IL18BP: variants seen among roughly 807,000 people sequenced by gnomAD.
IL18BP encodes the protein interleukin-18-binding protein.
In IL18BP, 23 loss-of-function variants were observed where a neutral mutation model predicts 19.9. The observed-to-expected ratio is 1.15, with a 90% CI of 0.83 to 1.64. The LOEUF (loss-of-function observed/expected upper bound fraction) is 1.64. IL18BP is among the 40% of genes most tolerant of loss of function. IL18BP has a pLI of 0.00. For synonymous variants in IL18BP, 107 were observed against 101.0 expected, an observed-to-expected ratio of 1.06 and a Z score of -0.35; for missense variants, 239 against 240.7, an observed-to-expected ratio of 0.99 and a Z score of 0.05.
chr11:72,000,634 C>T (rs1032266045), intron 3 of IL18BP, 77 bp downstream of exon 3: 2 of 1,227,810 alleles, frequency 1.6e-6, no homozygotes, highest in African/African-American at 3.0e-5. Flanking sequence ...AGCGCCAGTC[C>T]CCTTCTGCCC....
downstream of IL18BP, chr11:72,003,764 C>T: frequency 8.9e-7 from 1 of 1,128,852 alleles, no homozygotes; most frequent in Admixed American, 2.1e-5. Context: ...ACAGGGACAC[C>T]TCTTACCCCA....
chr11:72,004,602 A>G (rs1176999468), downstream of IL18BP: 2 of 1,595,052 alleles, frequency 1.3e-6, no homozygotes, highest in Non-Finnish European at 1.7e-6. Context: ...TGACCTGAGC[A>G]CAGTGCTGGA....
downstream of IL18BP, chr11:72,003,168 T>C (rs1406521784): frequency 3.0e-6 from 1 of 330,268 alleles, no homozygotes; most frequent in Non-Finnish European, 5.7e-6. Context: ...CTACTCCTCT[T>C]ATGGTCCCTT....
downstream of IL18BP, chr11:72,007,113 T>G: frequency 6.5e-7 from 1 of 1,548,276 alleles, no homozygotes; most frequent in Non-Finnish European, 8.7e-7. Context: ...TGCTCCTGAC[T>G]GAGTGCCCAG....
downstream of IL18BP, chr11:72,006,028 C>A: frequency 6.2e-7 from 1 of 1,605,298 alleles, no homozygotes; most frequent in East Asian, 2.2e-5. Flanking sequence ...CCCTGTAGTC[C>A]CCTCACCTGG....
At chr11:72,007,132 T>A (rs1955774839), downstream of IL18BP, 69 of 1,589,664 alleles carry the variant, frequency 4.3e-5, no homozygotes, top group South Asian at 7.2e-4. Flanking sequence ...AGTGCAAAGA[T>A]GCCCTTGAGA....
chr11:72,005,652 A>G, downstream of IL18BP: 1 of 507,700 alleles, frequency 2.0e-6, no homozygotes, highest in South Asian at 2.7e-5. Context: ...ACCCAGAGGA[A>G]CAAATTAAGG....
downstream of IL18BP, chr11:72,006,395 G>C: frequency 1.4e-6 from 1 of 701,062 alleles, no homozygotes; most frequent in Non-Finnish European, 2.3e-6. Flanking sequence ...GGTCCTTAAA[G>C]TGTGTGTCTG....
chr11:72,006,474 A>C (rs541451659), downstream of IL18BP, among the ~76,000 whole-genome samples: 1 of 152,084 alleles, frequency 6.6e-6, no homozygotes, highest in Non-Finnish European at 1.5e-5. Flanking sequence ...TCTTCTACGC[A>C]TTTTTTTCAT....
Position 72,001,944 on chromosome 11 carries a change from T to C in IL18BP, c.*83T>C. 1.3e-6 allele frequency: 2 copies of C among 1,588,804 alleles called. No individual in the cohort carries two copies. The highest frequency in any genetic ancestry group is 1.7e-6 in the Non-Finnish European group (2 of 1,166,780). ...CTACCTGGAGTGAACAGTCCCTGACTGCCTGTAGGCTGCGTGGATGCGCAA... is the reference window on the plus strand; with the variant it reads ...CTACCTGGAGTGAACAGTCCCTGACCGCCTGTAGGCTGCGTGGATGCGCAA... On this transcript the variant is annotated 3_prime_UTR_variant, in exon 6 of 6. Transcript: ENST00000393703.
downstream of IL18BP, chr11:72,006,045 C>T (rs768972695): frequency 1.9e-6 from 3 of 1,611,524 alleles, no homozygotes; most frequent in South Asian, 2.2e-5. Flanking sequence ...CTGGAGGGGC[C>T]CCACTGGACA....
downstream of IL18BP, chr11:72,007,503 A>AAGCTGT: frequency 6.4e-7 from 1 of 1,571,246 alleles, no homozygotes; most frequent in Non-Finnish European, 8.6e-7. Context: ...GCCCTTTTTG[A>AAGCTGT]AAGTGACCAT....
Position 72,002,006 on chromosome 11 carries a change from C to CA in IL18BP, c.*146dup. The CA allele has an allele frequency of 8.1e-7, 1 of 1,229,542 alleles. No homozygotes were observed. Among genetic ancestry groups the CA allele is most frequent in the South Asian group, 1.5e-5 (1 of 66,618 alleles). 76.2% of individuals were successfully genotyped at this position (1,229,542 alleles called of 1,614,324 possible). ...CTTCTCTGCTTTGGGTCCCTTCTCT[C>CA]ACCAAATTCAAACTCCATTCCCACC... On this transcript the variant is annotated 3_prime_UTR_variant, in exon 6 of 6. Transcript: ENST00000393703.
At chr11:71,999,699 CTTCCCT>C in intron 1 of IL18BP, 1 of 443,316 alleles carries the variant, frequency 2.3e-6, no homozygotes, top group Non-Finnish European at 4.1e-6. Context: ...TCAATTTTGC[CTTCCCT>C]AATGAAGGGG....
chr11:71,999,904 TCTC>T lies in IL18BP; in HGVS notation c.-58-18_-58-16del, dbSNP rs1010230260. On this transcript the variant is annotated intron_variant, in intron 1 of 5. Coordinates refer to ENST00000393703, the MANE Select transcript of IL18BP (RefSeq NM_001039660.2). ...AGAAAAAGCGGGAGTGGTTTACCAT[TCTC>T]CTCCCCCACCTTTCACCAGAGAAGA... is the stretch of plus-strand genomic sequence containing the variant. 13 of 1,476,740 alleles carry T rather than the reference TCTC, an allele frequency of 8.8e-6. No homozygotes were observed. The highest frequency in any genetic ancestry group is 2.3e-5 in the South Asian group (2 of 85,340). 91.5% of individuals were successfully genotyped at this position (1,476,740 alleles called of 1,614,324 possible).
chr11:72,000,027 T>C lies in IL18BP; in HGVS notation c.28+15T>C. 2 of 1,613,818 alleles carry C rather than the reference T, an allele frequency of 1.2e-6. No homozygotes were observed. Among genetic ancestry groups the C allele is most frequent in the South Asian group, 1.1e-5 (1 of 91,068 alleles). On this transcript the variant is annotated intron_variant, in intron 2 of 5. Transcript: ENST00000393703. ...CTGGACACCAGGTAGGCCTTGGGGC[T>C]ACGCATGGGCAGGCGGGGTAGGGTG...
At chr11:72,001,114 G>A in intron 3 of IL18BP, 87 bp from the exon 4 acceptor site, 2 of 1,523,854 alleles carry the variant, frequency 1.3e-6, no homozygotes, top group Non-Finnish European at 1.8e-6. Flanking sequence ...CATGGGGACT[G>A]GGGGGAGCTG....
chr11:72,005,299 T>C (rs1955612417), downstream of IL18BP: 3 of 1,609,722 alleles, frequency 1.9e-6, no homozygotes, highest in Non-Finnish European at 2.5e-6. Context: ...GCTGCAGCTC[T>C]GCAATGCGGT....
rs1223206305 is a variant in IL18BP, at chr11:71,999,889, G to A, written c.-58-38G>A. 3.1e-6 allele frequency: 4 copies of A among 1,278,338 alleles called. No homozygotes were observed. In the African/African-American group the frequency reaches 5.9e-5, roughly 19 times the overall value. The allele number at this position is 1,278,338 out of a possible 1,614,324, so 79.2% of individuals were successfully genotyped here. On this transcript the variant is annotated intron_variant, in intron 1 of 5. Transcript: ENST00000393703. ...AAAAGCCAGCTACTGAGAAAAAGCG[G>A]GAGTGGTTTACCATTCTCCTCCCCC...
Sources: allele counts gnomAD v4.1 joint callset (sites outside exome capture counted in the v4.1 genomes callset), GRCh38; gene constraint gnomAD v4.1.1; transcripts MANE v1.5; gene names NCBI Gene and HGNC (gene_info 2026-07-23, HGNC 2026-07-21).